CACNB2: variants seen among roughly 807,000 people sequenced by gnomAD.
The protein encoded by CACNB2 is voltage-dependent L-type calcium channel subunit beta-2.
In CACNB2, 42 loss-of-function variants were observed where a neutral mutation model predicts 73.3. The observed-to-expected ratio is 0.57, with a 90% CI of 0.45 to 0.74. The LOEUF is 0.74. Among genes scored for constraint, CACNB2 ranks in the 30% least tolerant of loss-of-function variants. The pLI is 0.00. For synonymous variants in CACNB2, 348 were observed against 310.3 expected (o/e 1.12, Z -1.28); for missense variants, 940 against 853.0 (o/e 1.10, Z -1.27).
At chr10:18,195,844 C>G (rs1207175079) in intron 2 of CACNB2, among the ~76,000 whole-genome samples, 1 of 152,218 alleles carries the variant, frequency 6.6e-6, no homozygotes, top group East Asian at 1.9e-4. Flanking sequence ...TATGAACTTG[C>G]ATTTGTCATC....
At chr10:18,156,390 A>G (rs1458271027) in intron 2 of CACNB2, among the ~76,000 whole-genome samples, 3 of 152,206 alleles carry the variant, frequency 2.0e-5, no homozygotes, top group Admixed American at 1.3e-4. Context: ...GACATTATCA[A>G]CTTATTTGAA....
chr10:18,352,915 C>G (rs1286757225), intron 2 of CACNB2, among the ~76,000 whole-genome samples: 1 of 152,100 alleles, frequency 6.6e-6, no homozygotes, highest in Non-Finnish European at 1.5e-5. Flanking sequence ...TACATCACCT[C>G]TAGTAAAGCT....
chr10:18,170,182 C>T (rs1203452944), intron 2 of CACNB2, among the ~76,000 whole-genome samples: 2 of 152,200 alleles, frequency 1.3e-5, no homozygotes, highest in Non-Finnish European at 2.9e-5. Flanking sequence ...GAAAAATCAA[C>T]TCCACACAAG....
intron 2 of CACNB2, among the ~76,000 whole-genome samples, chr10:18,192,216 C>A (rs1430057460): frequency 6.6e-6 from 1 of 152,044 alleles, no homozygotes; most frequent in Non-Finnish European, 1.5e-5. Flanking sequence ...TCACCTGAAC[C>A]TTCAAGGATT....
At chr10:18,180,369 G>A (rs1275285866) in intron 2 of CACNB2, among the ~76,000 whole-genome samples, 1 of 152,044 alleles carries the variant, frequency 6.6e-6, no homozygotes. Flanking sequence ...TAATAAGTAG[G>A]CAGTACTTCA....
intron 2 of CACNB2, among the ~76,000 whole-genome samples, chr10:18,172,893 A>G (rs899669868): frequency 2.7e-5 from 4 of 147,642 alleles, no homozygotes; most frequent in Non-Finnish European, 4.5e-5. Context: ...GCGAGTTTCA[A>G]TTCATCTTCA....
chr10:18,496,668 G>A (rs1174047561), intron 3 of CACNB2, among the ~76,000 whole-genome samples: 2 of 151,806 alleles, frequency 1.3e-5, no homozygotes, highest in Non-Finnish European at 1.5e-5. Flanking sequence ...CAAAAAATTA[G>A]CTGGGCGTGG....
At chr10:18,460,149 A>G (rs996444068) in intron 3 of CACNB2, among the ~76,000 whole-genome samples, 9 of 152,246 alleles carry the variant, frequency 5.9e-5, no homozygotes, top group African/African-American at 1.7e-4. Flanking sequence ...ATGGACATCT[A>G]TAATCATGCA....
intron 3 of CACNB2, among the ~76,000 whole-genome samples, chr10:18,496,540 C>T (rs936205113): frequency 3.9e-5 from 6 of 152,078 alleles, no homozygotes; most frequent in East Asian, 1.9e-4. Flanking sequence ...AAGCCGGACG[C>T]GGTGGCTCAT....
At chr10:18,476,471 T>C (rs1396480445) in intron 3 of CACNB2, among the ~76,000 whole-genome samples, 1 of 152,150 alleles carries the variant, frequency 6.6e-6, no homozygotes, top group Non-Finnish European at 1.5e-5. Context: ...AGGTTTCCTG[T>C]GTTTGCTTGG....
At chr10:18,402,401 A>AAC (rs2044051642) in intron 3 of CACNB2, among the ~76,000 whole-genome samples, 2 of 151,518 alleles carry the variant, frequency 1.3e-5, no homozygotes, top group Non-Finnish European at 2.9e-5. Flanking sequence ...GAAAAAAAAA[A>AAC]AAAACAGACT....
intron 2 of CACNB2, among the ~76,000 whole-genome samples, chr10:18,344,586 G>A (rs1939606341): frequency 6.6e-6 from 1 of 151,894 alleles, no homozygotes; most frequent in Non-Finnish European, 1.5e-5. Flanking sequence ...TGGTCAGGCT[G>A]GTCTCGAACT....
chr10:18,398,692 TAC>T lies in CACNB2; in HGVS notation c.214-3210_214-3209del, dbSNP rs200052800. On this transcript the variant is annotated intron_variant, in intron 2 of 13. Coordinates refer to ENST00000324631, the MANE Select transcript of CACNB2 (RefSeq NM_201596.3). ...TCACACACACACACACACACACACATACACACACACACACACACACACAATTG... is the reference window on the plus strand; with the variant it reads ...TCACACACACACACACACACACACATACACACACACACACACACACAATTG... Among the ~76,000 whole-genome samples, 414 of 56,996 alleles carry T rather than the reference TAC, an allele frequency of 7.3e-3. 1 individual carries two copies. The highest frequency in any genetic ancestry group is 0.02 in the African/African-American group (283 of 14,006). The allele number at this position is 56,996 out of a possible 152,430, so 37.4% of individuals were successfully genotyped here.
At chr10:18,171,521 G>GGA (rs1185764878) in intron 2 of CACNB2, among the ~76,000 whole-genome samples, 1,136 of 32,586 alleles carry the variant, frequency 0.035, 100 homozygotes, top group Middle Eastern at 0.071. Flanking sequence ...TTTGATAGCA[G>GGA]AAAAAAAAAA....
chr10:18,325,395 A>G (rs1441940203), intron 2 of CACNB2, among the ~76,000 whole-genome samples: 3 of 151,746 alleles, frequency 2.0e-5, no homozygotes, highest in African/African-American at 7.3e-5. Flanking sequence ...GTGTCTTGCT[A>G]CGTTGCCAAG....
At chr10:18,479,716 G>GC (rs2048626424) in intron 3 of CACNB2, among the ~76,000 whole-genome samples, 1 of 151,730 alleles carries the variant, frequency 6.6e-6, no homozygotes, top group Non-Finnish European at 1.5e-5. Flanking sequence ...TCGCTCTCTC[G>GC]CTCTCACTCT....
At chr10:18,389,332 T>C (rs1746228521) in intron 2 of CACNB2, among the ~76,000 whole-genome samples, 1 of 152,052 alleles carries the variant, frequency 6.6e-6, no homozygotes, top group Non-Finnish European at 1.5e-5. Flanking sequence ...AGAGACAGGG[T>C]CTCCCTATGT....
intron 3 of CACNB2, among the ~76,000 whole-genome samples, chr10:18,469,907 C>G (rs1441854633): frequency 1.3e-5 from 2 of 152,140 alleles, no homozygotes; most frequent in Non-Finnish European, 2.9e-5. Context: ...TTATCCACCC[C>G]AATAAGTCCT....
chr10:18,219,793 A>G (rs950180739), intron 2 of CACNB2, among the ~76,000 whole-genome samples: 2 of 147,610 alleles, frequency 1.4e-5, no homozygotes, highest in Admixed American at 1.4e-4. Context: ...TTTTTGAGAC[A>G]GAGTCTCACT....
Sources: gnomAD v4.1 joint callset for allele counts (sites outside exome capture counted in the v4.1 genomes callset) on GRCh38, gnomAD v4.1.1 for gene constraint, MANE v1.5 for transcripts, NCBI Gene and HGNC (gene_info 2026-07-23, HGNC 2026-07-21) for gene names.